STIM1: variants seen among roughly 807,000 people sequenced by gnomAD.
The protein encoded by STIM1 is stromal interaction molecule 1.
In STIM1, 25 loss-of-function variants were observed where a neutral mutation model predicts 74.7. The observed-to-expected ratio is 0.33, with a 90% CI of 0.24 to 0.47. STIM1 has a LOEUF of 0.47. STIM1 is among the 20% of genes least tolerant of loss of function. The pLI is 1.00. For missense variants in STIM1, 728 were observed against 920.8 expected, an observed-to-expected ratio of 0.79 and a Z score of 2.71; for synonymous variants, 328 against 348.8, an observed-to-expected ratio of 0.94 and a Z score of 0.66.
rs1405392437 is a variant in STIM1 at position 3,895,630 on chromosome 11, C to CTT, written c.139+39223_139+39224dup. Reference sequence around the variant, plus strand: ...TCTCTCTTTCTTTCTTTCTTTCTTTCTTTCTTTCTTTCTTTCTTTCTTTCT... The same window carrying CTT: ...TCTCTCTTTCTTTCTTTCTTTCTTTCTTTTTCTTTCTTTCTTTCTTTCTTTCT... On this transcript the variant is annotated intron_variant, in intron 1 of 12. Transcript: ENST00000526596. Among the ~76,000 whole-genome samples the CTT allele has an allele frequency of 4.0e-3, 24 of 6,060 alleles. 1 individual carries two copies. The highest frequency in any genetic ancestry group is 7.5e-3 in the African/African-American group (23 of 3,072). 4.0% of individuals were successfully genotyped at this position (6,060 alleles called of 152,430 possible).
chr11:4,065,984 T>G lies in STIM1; in HGVS notation c.614-4042T>G, dbSNP rs562896347. 4.3e-4 allele frequency among the ~76,000 whole-genome samples: 66 copies of G among 152,326 alleles called. No homozygotes were observed. The South Asian group carries it at 0.01, about 23-fold the overall frequency. ...AATGATTGGATGCTCACTTTCTCAG[T>G]GCTAACTTGTACCCTGAAAATTCTT... On this transcript the variant is annotated intron_variant, in intron 5 of 12. Transcript: ENST00000526596.
At chr11:4,083,730 A>T in intron 10 of STIM1, 3 of 557,340 alleles carry the variant, frequency 5.4e-6, no homozygotes, top group South Asian at 4.4e-5. Flanking sequence ...TATTGTGCTA[A>T]GTGTGTCTCC....
chr11:4,070,529 T>C (rs904466667), intron 6 of STIM1, among the ~76,000 whole-genome samples: 9 of 152,238 alleles, frequency 5.9e-5, no homozygotes, highest in Admixed American at 2.6e-4. Flanking sequence ...CTGCTTCTCC[T>C]AGCATATAAA....
At position 4,031,046 on chromosome 11, in the gene STIM1, G is replaced by A. The variant is rs58318590; in HGVS notation, c.385+7059G>A. On this transcript the variant is annotated intron_variant, in intron 3 of 12. Coordinates refer to ENST00000526596, the MANE Select transcript of STIM1 (RefSeq NM_001382567.1). ...AATCACCCCTGAAAGTTTTCTCATA[G>A]TCCTTTGTAGTCTCTGCTCCCCTAG... Among the ~76,000 whole-genome samples, 775 of 152,264 alleles carry A rather than the reference G, an allele frequency of 5.1e-3. 8 individuals are homozygous for A. Among genetic ancestry groups the A allele is most frequent in the African/African-American group, 0.018 (732 of 41,554 alleles).
At chr11:3,943,783 G>A (rs575558674) in intron 1 of STIM1, among the ~76,000 whole-genome samples, 1 of 152,274 alleles carries the variant, frequency 6.6e-6, no homozygotes, top group South Asian at 2.1e-4. Context: ...AGAATAGATG[G>A]AAAATCATAC....
intron 1 of STIM1, among the ~76,000 whole-genome samples, chr11:3,885,247 T>C (rs7131469): frequency 0.37 from 55,696 of 151,702 alleles, 10,771 homozygotes; most frequent in South Asian, 0.48. Flanking sequence ...GGTGCAGTCA[T>C]GGCTCACTGC....
At chr11:4,016,234 G>T (rs575294388) in intron 2 of STIM1, among the ~76,000 whole-genome samples, 2 of 152,234 alleles carry the variant, frequency 1.3e-5, no homozygotes, top group South Asian at 2.1e-4. Flanking sequence ...GTTTTGGTGT[G>T]GATGTCCTTT....
intron 3 of STIM1, among the ~76,000 whole-genome samples, chr11:4,044,823 T>C (rs1271589559): frequency 6.6e-6 from 1 of 152,162 alleles, no homozygotes; most frequent in Non-Finnish European, 1.5e-5. Context: ...TAATGCAGTG[T>C]TTAGAGCAGT....
Position 3,856,174 on chromosome 11 carries a change from T to G in STIM1, c.-97T>G. 1 of 1,550,136 alleles carries G rather than the reference T, an allele frequency of 6.5e-7. No homozygotes were observed. The highest frequency in any genetic ancestry group is 8.9e-7 in the Non-Finnish European group (1 of 1,129,470). ...CAGCTGCGGAGCCGCGAGGGCATCT[T>G]GCCTGGAGACCGTCGGCTGCACTCC... On this transcript the variant is annotated 5_prime_UTR_variant, in exon 1 of 13. Coordinates refer to ENST00000526596, the MANE Select transcript of STIM1 (RefSeq NM_001382567.1).
chr11:3,885,225 C>T (rs540241245), intron 1 of STIM1, among the ~76,000 whole-genome samples: 36 of 151,552 alleles, frequency 2.4e-4, no homozygotes, highest in African/African-American at 8.2e-4. Context: ...GTCATCTAGA[C>T]TGGAGTGCAG....
chr11:4,080,798 C>T (rs954259391), intron 7 of STIM1, among the ~76,000 whole-genome samples: 1 of 152,162 alleles, frequency 6.6e-6, no homozygotes, highest in African/African-American at 2.4e-5. Flanking sequence ...AGGCCTGCCC[C>T]TTTGTATGCC....
chr11:3,954,120 G>A (rs1460775982), intron 1 of STIM1, among the ~76,000 whole-genome samples: 1 of 152,058 alleles, frequency 6.6e-6, no homozygotes, highest in East Asian at 1.9e-4. Flanking sequence ...GAGATGCTGT[G>A]CTCCTTGCCT....
intron 7 of STIM1, among the ~76,000 whole-genome samples, chr11:4,075,390 A>G (rs537732377): frequency 6.6e-6 from 1 of 152,340 alleles, no homozygotes; most frequent in African/African-American, 2.4e-5. Context: ...TGCTACCCCA[A>G]TTAATATTTC....
rs1329367826 is a variant in STIM1, at chr11:3,856,354, T to C, written c.84T>C (p.Ser28=). ...HQGQSLSHSH[S]EKATGTSSGA... ...GCCAGAGCCTCAGCCATAGTCACAG[T>C]GAGAAGGCGACAGGAACCAGCTCGG... Residue 28 remains serine, a synonymous_variant, in exon 1 of 13, where the codon AGT becomes AGC. Coordinates refer to ENST00000526596, the MANE Select transcript of STIM1 (RefSeq NM_001382567.1). 2 of 1,614,028 alleles carry C rather than the reference T, an allele frequency of 1.2e-6. No homozygotes were observed. The highest frequency in any genetic ancestry group is 1.3e-5 in the African/African-American group (1 of 74,920).
intron 1 of STIM1, among the ~76,000 whole-genome samples, chr11:3,920,126 CA>C (rs989813057): frequency 4.7e-5 from 2 of 42,414 alleles, no homozygotes; most frequent in Admixed American, 3.6e-4. Context: ...TTGAAGTGTA[CA>C]ATTTTTTTTT....
intron 1 of STIM1, among the ~76,000 whole-genome samples, chr11:3,877,290 G>C (rs1240231450): frequency 6.6e-6 from 1 of 151,842 alleles, no homozygotes; most frequent in Non-Finnish European, 1.5e-5. Flanking sequence ...GAACTCCCTG[G>C]GATTAAGCAA....
At chr11:3,938,589 G>A (rs2092965314) in intron 1 of STIM1, among the ~76,000 whole-genome samples, 1 of 152,178 alleles carries the variant, frequency 6.6e-6, no homozygotes, top group Non-Finnish European at 1.5e-5. Flanking sequence ...GTTCACACCT[G>A]TAATCCCAGC....
intron 1 of STIM1, among the ~76,000 whole-genome samples, chr11:3,917,977 C>T (rs138978482): frequency 2.6e-5 from 4 of 152,162 alleles, no homozygotes; most frequent in South Asian, 2.1e-4. Flanking sequence ...TTGCAGGTGA[C>T]GGAAATACAA....
intron 2 of STIM1, among the ~76,000 whole-genome samples, chr11:4,021,298 G>A (rs1004670879): frequency 3.9e-5 from 6 of 151,936 alleles, no homozygotes; most frequent in African/African-American, 1.5e-4. Context: ...GCTAATTTTT[G>A]TATTTTTAGT....
Sources: gnomAD v4.1 joint callset for allele counts (sites outside exome capture counted in the v4.1 genomes callset) on GRCh38, gnomAD v4.1.1 for gene constraint, MANE v1.5 for transcripts, NCBI Gene and HGNC (gene_info 2026-07-23, HGNC 2026-07-21) for gene names.